The following FAT2 variants were observed in gnomAD, a reference collection of about 807,000 sequenced individuals.
FAT2 encodes the protein protocadherin Fat 2.
FAT2 carries 150 observed loss-of-function variants against 295.3 expected under a neutral mutation model. The observed-to-expected ratio is 0.51, with a 90% confidence interval of 0.44 to 0.58. The LOEUF is 0.58. Ranked by LOEUF, FAT2 falls within the 20% of genes least tolerant of loss-of-function variation. The pLI is 0.00. For missense variants in FAT2, 4,868 were observed against 5,442.7 expected (o/e 0.89, Z 3.32); for synonymous variants, 2,026 against 2,150.3 (o/e 0.94, Z 1.60).
rs1756466454 is a variant in FAT2 at position 151,544,808 on chromosome 5, A to T, written c.6319T>A (p.Tyr2107Asn). The T allele has an allele frequency of 6.2e-7, 1 of 1,614,092 alleles. No individual in the cohort carries two copies. The highest frequency in any genetic ancestry group is 1.3e-5 in the African/African-American group (1 of 74,924). ...EDLGTNGAVT[Y>N]EFAEDYTYFR... ...TATGTGTAATCTTCTGCAAATTCAT[A>T]TGTAACAGCCCCATTTGTCCCCAAG... Residue 2107 changes from tyrosine to asparagine, a missense_variant, in exon 10 of 24, where the codon TAT becomes AAT. Transcript: ENST00000261800.
At chr5:151,538,654 C>T (rs758886776) in intron 11 of FAT2, among the ~76,000 whole-genome samples, 2 of 152,050 alleles carry the variant, frequency 1.3e-5, no homozygotes, top group African/African-American at 2.4e-5. Flanking sequence ...CCCTACATGC[C>T]CTGGATGGAA....
chr5:151,510,863 T>C (rs1761265557), intron 21 of FAT2: 1 of 152,108 alleles, frequency 6.6e-6, no homozygotes, highest in South Asian at 2.1e-4. Flanking sequence ...GGGAAGGGTG[T>C]GGCATGGTCA....
chr5:151,541,635 G>T (rs528690356), intron 10 of FAT2, among the ~76,000 whole-genome samples: 1 of 152,344 alleles, frequency 6.6e-6, no homozygotes, highest in East Asian at 1.9e-4. Context: ...CCACTGGTTA[G>T]CTGGCTTAGC....
In FAT2 at chr5:151,549,322, C is replaced by T. The variant is rs781658921; in HGVS notation, c.4762G>A (p.Ala1588Thr). ...RAMDADRGVNAEVHYSLLKGN... is the reference protein window; with the variant it reads ...RAMDADRGVNTEVHYSLLKGN... ...TTCAGGAGGGAGTAGTGGACCTCAG[C>T]ATTGACTCCCCGGTCAGCATCCATG... The change falls in exon 9 of 24, where the codon GCT (alanine) becomes ACT (threonine). Residue 1588 changes from alanine (A) to threonine (T), a missense_variant. Physicochemically the swap from Ala to Thr is moderately conservative, Grantham distance 58 (BLOSUM62 0). Transcript: ENST00000261800. 1 of 1,613,312 alleles carries T rather than the reference C, an allele frequency of 6.2e-7. No homozygotes were observed. The highest frequency in any genetic ancestry group is 2.2e-5 in the East Asian group (1 of 44,894).
At position 151,563,318 on chromosome 5, in the gene FAT2, TC is replaced by T. The variant is rs1445215921; in HGVS notation, c.3574+6del. 6.2e-7 allele frequency: 1 copy of T among 1,613,160 alleles called. No homozygotes were observed. Among genetic ancestry groups the T allele is most frequent in the South Asian group, 1.1e-5 (1 of 90,914 alleles). On this transcript the variant is annotated splice_donor_region_variant and intron_variant, in intron 3 of 23. Transcript: ENST00000261800. ...ATCCCTGTTCACCCAGCTTTTTGGA[TC>T]CTTACCTGTAACAGGGTGAATCATA...
Position 151,530,220 on chromosome 5 carries a change from A to C in FAT2, c.9812-828T>G, listed in dbSNP as rs142797546. On this transcript the variant is annotated intron_variant, in intron 14 of 23. Coordinates refer to ENST00000261800, the MANE Select transcript of FAT2 (RefSeq NM_001447.3). ...TCATATATAATGGATCAGGTTGACAACACCTGAACTTACCATCTATCTTAA... is the reference window on the plus strand; with the variant it reads ...TCATATATAATGGATCAGGTTGACACCACCTGAACTTACCATCTATCTTAA... 6.6e-5 allele frequency among the ~76,000 whole-genome samples: 10 copies of C among 151,956 alleles called. No individual in the cohort carries two copies. The East Asian group carries it at 1.9e-3, about 29-fold the overall frequency.
rs764709970 is a variant in FAT2 at position 151,545,860 on chromosome 5, G to A, written c.5267C>T (p.Pro1756Leu). Residue 1756 changes from proline (P) to leucine (L), a missense_variant, in exon 10 of 24, where the codon CCT becomes CTT. Physicochemically the swap from Pro to Leu is moderately conservative, Grantham distance 98. This residue lies in a region of FAT2 where 3,297 missense variants were observed against 3,669.4 expected (regional missense o/e 0.90). Transcript: ENST00000261800. ...VDIIDENDNA[P>L]MFLKSTFVGQ... ...CACAAAAGTTGACTTTAAGAACATA[G>A]GAGCATTGTCATTTTCATCAATTAT... 1.9e-6 allele frequency: 3 copies of A among 1,614,086 alleles called. No individual in the cohort carries two copies. The highest frequency in any genetic ancestry group is 1.7e-5 in the Admixed American group (1 of 60,004).
Position 151,527,225 on chromosome 5 carries a change from C to G in FAT2, c.10308+9G>C. ...AAGGGCTCAGGGTGCCTTGGAGGCT[C>G]AAGCTTACCTGGACAGTGGTGCTGT... is the stretch of plus-strand genomic sequence containing the variant. On this transcript the variant is annotated intron_variant, in intron 17 of 23. Transcript: ENST00000261800. 2 of 1,595,958 alleles carry G rather than the reference C, an allele frequency of 1.3e-6. No individual in the cohort carries two copies. The highest frequency in any genetic ancestry group is 1.7e-4 in the Middle Eastern group (1 of 5,856).
intron 1 of FAT2, among the ~76,000 whole-genome samples, chr5:151,590,029 T>A (rs73275815): frequency 9.2e-5 from 14 of 152,282 alleles, no homozygotes; most frequent in Non-Finnish European, 1.8e-4. Flanking sequence ...CACAGAGACA[T>A]GATTAATGAA....
intron 22 of FAT2, among the ~76,000 whole-genome samples, chr5:151,509,260 G>C (rs1864934): frequency 0.8 from 121,848 of 152,220 alleles, 49,431 homozygotes; most frequent in East Asian, 0.96. Context: ...TGTACAGATT[G>C]CTAAGCCCCA....
At chr5:151,586,536 G>A (rs1160930194) in intron 1 of FAT2, among the ~76,000 whole-genome samples, 1 of 152,126 alleles carries the variant, frequency 6.6e-6, no homozygotes, top group East Asian at 1.9e-4. Context: ...CAGGCACTGT[G>A]GTCGGCCAAG....
rs112377913 is a variant in FAT2, at chr5:151,523,843, T to C, written c.10507-1757A>G. Among the ~76,000 whole-genome samples the C allele has an allele frequency of 2.0e-5, 3 of 152,296 alleles. 1 individual carries two copies. Among genetic ancestry groups the C allele is most frequent in the African/African-American group, 7.2e-5 (3 of 41,558 alleles). ...CAAAACAGAGCTTCGGTTTAGCCCA[T>C]AAACCTGTCCTGCCTTCCCGTCTGG... On this transcript the variant is annotated intron_variant, in intron 18 of 23. Coordinates refer to ENST00000261800, the MANE Select transcript of FAT2 (RefSeq NM_001447.3).
intron 15 of FAT2, among the ~76,000 whole-genome samples, chr5:151,528,534 C>CAGG (rs1382033435): frequency 5.3e-5 from 8 of 152,120 alleles, no homozygotes; most frequent in Non-Finnish European, 1.2e-4. Context: ...CCTGAAGGAT[C>CAGG]AGGAGGTTCT....
Position 151,542,650 on chromosome 5 carries a change from G to C in FAT2, c.8477C>G (p.Thr2826Ser), listed in dbSNP as rs767948043. Residue 2826 changes from threonine (T) to serine (S), a missense_variant, in exon 10 of 24, where the codon ACT becomes AGT. By Grantham distance (58) the Thr-to-Ser change is moderately conservative. This residue lies in a region of FAT2 where 3,297 missense variants were observed against 3,669.4 expected (regional missense o/e 0.90). Coordinates refer to ENST00000261800, the MANE Select transcript of FAT2 (RefSeq NM_001447.3). ...VIQVTAIDKD[T>S]GRDGQVSYRL... ...GTAGCTCACCTGGCCATCTCTCCCA[G>C]TGTCCTTGTCAATGGCAGTCACTTG... is the stretch of plus-strand genomic sequence containing the variant. 1 of 1,614,180 alleles carries C rather than the reference G, an allele frequency of 6.2e-7. No individual in the cohort carries two copies. Among genetic ancestry groups the C allele is most frequent in the South Asian group, 1.1e-5 (1 of 91,078 alleles).
chr5:151,582,978 G>A (rs752611293), intron 1 of FAT2, among the ~76,000 whole-genome samples: 30 of 152,002 alleles, frequency 2.0e-4, no homozygotes, highest in Non-Finnish European at 3.8e-4. Context: ...TTATCACCTG[G>A]AAGTCTCTGA....
Position 151,505,308 on chromosome 5 carries a change from G to C in FAT2, c.*257C>G, listed in dbSNP as rs1258044095. ...CCACCCCGGGAGTCAATTGTTCCTG[G>C]TTTTCCAGGGTCACTGCTCTAGAAA... On this transcript the variant is annotated 3_prime_UTR_variant, in exon 24 of 24. Transcript: ENST00000261800. The C allele has an allele frequency of 7.4e-6, 4 of 541,738 alleles. No individual in the cohort carries two copies. The highest frequency in any genetic ancestry group is 1.3e-5 in the Non-Finnish European group (4 of 310,340). The allele number at this position is 541,738 out of a possible 1,614,324, so 33.6% of individuals were successfully genotyped here.
Position 151,542,885 on chromosome 5 carries a change from C to T in FAT2, c.8242G>A (p.Val2748Ile), listed in dbSNP as rs747051009. 13 of 1,614,084 alleles carry T rather than the reference C, an allele frequency of 8.1e-6. No individual in the cohort carries two copies. Among genetic ancestry groups the T allele is most frequent in the African/African-American group, 4.0e-5 (3 of 74,930 alleles). ...TCCATGGGCTTCCTCACCTTTATGACCCCTGTGTCTGGGTCTAGGGAGAAG... is the reference window on the plus strand; with the variant it reads ...TCCATGGGCTTCCTCACCTTTATGATCCCTGTGTCTGGGTCTAGGGAGAAG... ...GVFSLDPDTG[V>I]IKVRKPMDHE... The change falls in exon 10 of 24, where the codon GTC becomes ATC. Residue 2748 changes from valine to isoleucine, a missense_variant. Coordinates refer to ENST00000261800, the MANE Select transcript of FAT2 (RefSeq NM_001447.3).
At chr5:151,549,971 T>A (rs1757027369) in intron 8 of FAT2, among the ~76,000 whole-genome samples, 1 of 152,194 alleles carries the variant, frequency 6.6e-6, no homozygotes, top group Admixed American at 6.5e-5. Flanking sequence ...AACCCTGATC[T>A]TTAAGACAGG....
chr5:151,538,145 T>G (rs561676499), intron 11 of FAT2, among the ~76,000 whole-genome samples, 199 bp from the exon 12 acceptor site: 182 of 149,820 alleles, frequency 1.2e-3, no homozygotes, highest in African/African-American at 4.4e-3. Flanking sequence ...ACAGAGGAGG[T>G]AGAATAAGAT....
Sources: allele counts gnomAD v4.1 joint callset (sites outside exome capture counted in the v4.1 genomes callset), GRCh38; gene constraint gnomAD v4.1.1; regional missense constraint gnomAD v4.1.1; transcripts MANE v1.5; gene names NCBI Gene and HGNC (gene_info 2026-07-23, HGNC 2026-07-21).